Variants in ZNF565 observed in about 807,000 individuals in gnomAD.
The protein encoded by ZNF565 is zinc finger protein 565.
ZNF565 carries 27 observed loss-of-function variants against 39.4 expected under a neutral mutation model. The observed-to-expected ratio is 0.69, with a 90% CI of 0.51 to 0.95. ZNF565 has a LOEUF of 0.95. Ranked by LOEUF, ZNF565 falls within the 40% of genes least tolerant of loss-of-function variation. The pLI is 0.00. For synonymous variants in ZNF565, 185 were observed against 216.6 expected, an observed-to-expected ratio of 0.85 and a Z score of 1.28; for missense variants, 524 against 621.1, an observed-to-expected ratio of 0.84 and a Z score of 1.66.
At chr19:36,239,670 A>G (rs1379939088) in intron 1 of ZNF565, among the ~76,000 whole-genome samples, 1 of 152,100 alleles carries the variant, frequency 6.6e-6, no homozygotes, top group African/African-American at 2.4e-5. Flanking sequence ...TAACTTCCAC[A>G]GTTCAGTGCA....
chr19:36,236,895 G>T, intron 1 of ZNF565: 1 of 1,614,120 alleles, frequency 6.2e-7, no homozygotes, highest in Non-Finnish European at 8.5e-7. Context: ...ATCCATATTG[G>T]AGAGAAGCCT....
At chr19:36,236,851 C>T (rs749535764) in intron 1 of ZNF565, 1 of 1,614,160 alleles carries the variant, frequency 6.2e-7, no homozygotes, top group East Asian at 2.2e-5. Flanking sequence ...GAAAAACCTT[C>T]AGTGGCAAAT....
intron 1 of ZNF565, among the ~76,000 whole-genome samples, chr19:36,239,621 C>T (rs1002222957): frequency 1.3e-5 from 2 of 152,164 alleles, no homozygotes; most frequent in Non-Finnish European, 2.9e-5. Context: ...TCACCATGCC[C>T]AGCTAATTTT....
At chr19:36,205,703 G>C (rs998538779) in intron 1 of ZNF565, among the ~76,000 whole-genome samples, 8 of 143,778 alleles carry the variant, frequency 5.6e-5, no homozygotes, top group Admixed American at 2.0e-4. Flanking sequence ...TGTAGGGGTG[G>C]GTTGCCCCTA....
At chr19:36,212,807 A>G (rs371766793) in intron 1 of ZNF565, among the ~76,000 whole-genome samples, 17 of 152,306 alleles carry the variant, frequency 1.1e-4, no homozygotes, top group African/African-American at 3.6e-4. Context: ...ACTGGAGACC[A>G]GGTTACTTTG....
chr19:36,230,553 AAGAGTGCG>A (rs1977287769), intron 1 of ZNF565, among the ~76,000 whole-genome samples: 2 of 152,156 alleles, frequency 1.3e-5, no homozygotes, highest in Admixed American at 6.6e-5. Context: ...AAAAGATCTG[AAGAGTGCG>A]AGAGTGGGCG....
chr19:36,216,162 A>G (rs75333181), upstream of ZNF565, among the ~76,000 whole-genome samples: 9,116 of 152,338 alleles, frequency 0.06, 393 homozygotes, highest in Middle Eastern at 0.099. Context: ...GTTAGAATAC[A>G]TAGTTGAAGA....
chr19:36,241,262 G>C (rs1338142022), intron 1 of ZNF565, among the ~76,000 whole-genome samples: 2 of 151,936 alleles, frequency 1.3e-5, no homozygotes, highest in Non-Finnish European at 2.9e-5. Flanking sequence ...AAGGCGGGCG[G>C]ATCACAAGGT....
intron 2 of ZNF565, among the ~76,000 whole-genome samples, chr19:36,201,380 G>C (rs10409091): frequency 0.65 from 98,849 of 152,016 alleles, 32,518 homozygotes; most frequent in African/African-American, 0.75. Context: ...TTTATTTCAT[G>C]TTTGGCCCCA....
At chr19:36,235,321 A>C (rs769193928) in intron 1 of ZNF565, among the ~76,000 whole-genome samples, 1 of 152,066 alleles carries the variant, frequency 6.6e-6, no homozygotes, top group East Asian at 1.9e-4. Flanking sequence ...ATTATTTGTT[A>C]TACAACTTGC....
chr19:36,197,492 A>G (rs1193888521), intron 2 of ZNF565, among the ~76,000 whole-genome samples: 1 of 152,022 alleles, frequency 6.6e-6, no homozygotes, highest in Non-Finnish European at 1.5e-5. Context: ...TAAATAAATA[A>G]ATAAGAATGA....
intron 4 of ZNF565, among the ~76,000 whole-genome samples, chr19:36,193,644 T>C (rs1322476383): frequency 1.3e-5 from 2 of 150,864 alleles, no homozygotes; most frequent in Admixed American, 6.6e-5. Context: ...GGTTTCACCA[T>C]GTTAGCCAGG....
At chr19:36,196,716 G>A (rs2145329989) in intron 2 of ZNF565, among the ~76,000 whole-genome samples, 1 of 152,256 alleles carries the variant, frequency 6.6e-6, no homozygotes, top group African/African-American at 2.4e-5. Context: ...GCTTATGCCT[G>A]TAATCCCAGC....
intron 4 of ZNF565, among the ~76,000 whole-genome samples, chr19:36,191,987 C>G (rs1331494648): frequency 6.6e-6 from 1 of 151,574 alleles, no homozygotes; most frequent in Non-Finnish European, 1.5e-5. Context: ...ACCAAGTGAT[C>G]AAACTGAACA....
chr19:36,244,847 C>T, intron 1 of ZNF565, among the ~76,000 whole-genome samples: 1 of 46,282 alleles, frequency 2.2e-5, no homozygotes, highest in Admixed American at 2.0e-4. Context: ...AAGACTACGT[C>T]TTAAAAAAAA....
chr19:36,187,504 G>A (rs927873931), intron 4 of ZNF565, among the ~76,000 whole-genome samples: 1 of 151,530 alleles, frequency 6.6e-6, no homozygotes, highest in Non-Finnish European at 1.5e-5. Context: ...TGGGACCACA[G>A]GCGCCCGTCA....
chr19:36,232,923 C>T (rs1172756517), intron 1 of ZNF565, among the ~76,000 whole-genome samples: 1 of 152,098 alleles, frequency 6.6e-6, no homozygotes, highest in African/African-American at 2.4e-5. Context: ...TTAAATATAA[C>T]AAATGCTGAA....
intron 1 of ZNF565, among the ~76,000 whole-genome samples, chr19:36,228,113 T>C (rs1204689394): frequency 1.4e-5 from 2 of 147,200 alleles, no homozygotes; most frequent in Admixed American, 1.4e-4. Flanking sequence ...TGGGCTGAGA[T>C]TGCACAATTG....
rs142319211 is a variant in ZNF565 at position 36,224,093 on chromosome 19, C to G, written c.55+21383G>C. Among the ~76,000 whole-genome samples the G allele has an allele frequency of 2.6e-5, 4 of 152,280 alleles. No homozygotes were observed. The East Asian group carries it at 7.7e-4, about 29-fold the overall frequency. ...TCTTTGACATCATTTATTAAAAGGT[C>G]TTACCTGGCTGGGCACGGTGGCTCA... On this transcript the variant is annotated intron_variant, in intron 1 of 4. Coordinates refer to the ZNF565 transcript ENST00000355114.
Sources: gnomAD v4.1 joint callset for allele counts (sites outside exome capture counted in the v4.1 genomes callset) on GRCh38, gnomAD v4.1.1 for gene constraint, MANE v1.5 for transcripts, NCBI Gene and HGNC (gene_info 2026-07-23, HGNC 2026-07-21) for gene names.